The following BANK1 variants were observed in gnomAD, a reference collection of about 807,000 sequenced individuals.
BANK1 encodes B-cell scaffold protein with ankyrin repeats.
Under a neutral mutation model 94.5 loss-of-function variants are expected in BANK1, and 95 were observed. The ratio of observed to expected loss-of-function variants is 1.00; its 90% confidence interval spans 0.85 to 1.19. The LOEUF (loss-of-function observed/expected upper bound fraction) is 1.19, where lower values mean the gene tolerates loss of function less well. BANK1 is among the 50% of genes most tolerant of loss of function. The pLI is 0.00. For missense variants in BANK1, 987 were observed against 932.2 expected (o/e 1.06, Z -0.77); for synonymous variants, 334 against 308.4 (o/e 1.08, Z -0.87).
chr4:101,990,657 C>T (rs563372700), intron 7 of BANK1, among the ~76,000 whole-genome samples: 3 of 152,236 alleles, frequency 2.0e-5, no homozygotes, highest in South Asian at 4.1e-4. Context: ...GATCTATATC[C>T]AAAAATCCCA....
intron 7 of BANK1, among the ~76,000 whole-genome samples, chr4:101,940,327 A>C (rs1170731974): frequency 6.6e-6 from 1 of 151,710 alleles, no homozygotes; most frequent in African/African-American, 2.4e-5. Context: ...TAGATTTAAA[A>C]AAAGTTGTAA....
chr4:102,022,083 T>C (rs915093745), intron 8 of BANK1, among the ~76,000 whole-genome samples: 2 of 152,018 alleles, frequency 1.3e-5, no homozygotes, highest in Non-Finnish European at 2.9e-5. Flanking sequence ...TGTATATATA[T>C]ACACATATAT....
At chr4:101,803,495 G>T (rs1429818298) in intron 1 of BANK1, among the ~76,000 whole-genome samples, 2 of 152,016 alleles carry the variant, frequency 1.3e-5, no homozygotes, top group African/African-American at 4.8e-5. Context: ...ATGAGAAAGT[G>T]GTTATCTATT....
chr4:102,043,337 G>C (rs563476325), intron 10 of BANK1, among the ~76,000 whole-genome samples: 4 of 152,034 alleles, frequency 2.6e-5, no homozygotes, highest in African/African-American at 9.7e-5. Flanking sequence ...CGAATAAGCT[G>C]TTTTAATAAG....
intron 11 of BANK1, 101 bp downstream of exon 11, chr4:102,044,008 G>C (rs546521217): frequency 3.2e-6 from 2 of 621,038 alleles, no homozygotes; most frequent in Non-Finnish European, 5.6e-6. Flanking sequence ...GTATGTAATT[G>C]TGTGCTTTAT....
chr4:101,827,573 G>A (rs574771662), intron 1 of BANK1, among the ~76,000 whole-genome samples: 1 of 151,998 alleles, frequency 6.6e-6, no homozygotes, highest in Admixed American at 6.6e-5. Flanking sequence ...CAATCATAAT[G>A]CCCTCAGCAT....
intron 2 of BANK1, among the ~76,000 whole-genome samples, chr4:101,848,776 C>T (rs1727351518): frequency 6.6e-6 from 1 of 152,186 alleles, no homozygotes; most frequent in Non-Finnish European, 1.5e-5. Context: ...AATATACAGC[C>T]TCTTTTTCAT....
intron 1 of BANK1, among the ~76,000 whole-genome samples, chr4:101,800,851 G>T (rs558491370): frequency 3.3e-5 from 5 of 152,212 alleles, no homozygotes; most frequent in Admixed American, 6.5e-5. Flanking sequence ...TCCACCTCCT[G>T]GGTTCAAGCG....
At chr4:102,071,417 C>A in intron 14 of BANK1, 113 bp downstream of exon 14, 26 of 1,033,804 alleles carry the variant, frequency 2.5e-5, no homozygotes, top group African/African-American at 4.8e-5. Flanking sequence ...TAAACATTCA[C>A]ATAGATTTTA....
At chr4:102,014,602 G>C (rs1289575763) in intron 7 of BANK1, among the ~76,000 whole-genome samples, 1 of 152,028 alleles carries the variant, frequency 6.6e-6, no homozygotes, top group Non-Finnish European at 1.5e-5. Flanking sequence ...ATTTCTTCGT[G>C]GTTGTCACTT....
At chr4:101,940,963 T>G (rs1277579770) in intron 7 of BANK1, among the ~76,000 whole-genome samples, 1 of 151,740 alleles carries the variant, frequency 6.6e-6, no homozygotes, top group Non-Finnish European at 1.5e-5. Context: ...CTCCACCTCC[T>G]TGAGGACAAA....
At chr4:101,877,351 A>G (rs547879893) in intron 5 of BANK1, among the ~76,000 whole-genome samples, 5 of 152,236 alleles carry the variant, frequency 3.3e-5, no homozygotes, top group South Asian at 2.1e-4. Context: ...AAAACTTACT[A>G]GTAATAGTAA....
chr4:102,070,579 C>CA (rs1429332948), intron 13 of BANK1, among the ~76,000 whole-genome samples: 1 of 152,214 alleles, frequency 6.6e-6, no homozygotes, highest in Admixed American at 6.5e-5. Flanking sequence ...TTTAGTGAGG[C>CA]AACTCTGGAC....
chr4:101,953,279 T>C (rs925671562), intron 7 of BANK1, among the ~76,000 whole-genome samples: 1 of 151,880 alleles, frequency 6.6e-6, no homozygotes, highest in Non-Finnish European at 1.5e-5. Context: ...TTCCCAACTG[T>C]TTTTTCTCCA....
intron 2 of BANK1, among the ~76,000 whole-genome samples, chr4:101,839,400 C>T (rs1190365423): frequency 2.0e-5 from 3 of 151,988 alleles, no homozygotes; most frequent in Admixed American, 2.0e-4. Flanking sequence ...CACAAGTGCT[C>T]CTCTAAAGCT....
chr4:101,929,845 AT>A (rs1004109192), intron 7 of BANK1, among the ~76,000 whole-genome samples: 1 of 151,406 alleles, frequency 6.6e-6, no homozygotes, highest in African/African-American at 2.4e-5. Context: ...AAATGCTGCA[AT>A]TTTTTTAATT....
intron 4 of BANK1, among the ~76,000 whole-genome samples, chr4:101,865,156 G>A (rs1728021703): frequency 6.6e-6 from 1 of 152,010 alleles, no homozygotes; most frequent in Admixed American, 6.6e-5. Flanking sequence ...TCATACTTTG[G>A]GGTATTGTCT....
At chr4:102,010,207 G>C (rs934649728) in intron 7 of BANK1, among the ~76,000 whole-genome samples, 11 of 151,884 alleles carry the variant, frequency 7.2e-5, no homozygotes, top group African/African-American at 2.7e-4. Flanking sequence ...AGAGCTTGCA[G>C]TGAGCAGAGA....
chr4:102,035,367 G>T lies in BANK1; in HGVS notation c.1900+5102G>T, dbSNP rs1025526327. Among the ~76,000 whole-genome samples, 11 of 152,136 alleles carry T rather than the reference G, an allele frequency of 7.2e-5. No homozygotes were observed. The South Asian group carries it at 1.0e-3, about 14-fold the overall frequency. On this transcript the variant is annotated intron_variant, in intron 10 of 16. Transcript: ENST00000322953. Reference sequence around the variant, plus strand: ...ATTAATGCAAAACTGAACCCATGTTGGCCAGGCACGGTGGCTCACGCCTGT... The same window carrying T: ...ATTAATGCAAAACTGAACCCATGTTTGCCAGGCACGGTGGCTCACGCCTGT...
Sources: allele counts gnomAD v4.1 joint callset (sites outside exome capture counted in the v4.1 genomes callset), GRCh38; gene constraint gnomAD v4.1.1; transcripts MANE v1.5; gene names NCBI Gene and HGNC (gene_info 2026-07-23, HGNC 2026-07-21).